Variants in CADPS observed in about 807,000 individuals in gnomAD.
CADPS encodes calcium-dependent secretion activator 1.
Under a neutral mutation model 167.3 loss-of-function variants are expected in CADPS, and 57 were observed. The ratio of observed to expected loss-of-function variants is 0.34; its 90% CI spans 0.28 to 0.42. The LOEUF (loss-of-function observed/expected upper bound fraction) is 0.42. Ranked by LOEUF, CADPS falls within the 20% of genes least tolerant of loss-of-function variation. CADPS has a pLI of 1.00. For missense variants in CADPS, 1,414 were observed against 1,738.1 expected, an observed-to-expected ratio of 0.81 and a Z score of 3.32; for synonymous variants, 676 against 635.3, an observed-to-expected ratio of 1.06 and a Z score of -0.96.
rs536424832 is a variant in CADPS at position 62,783,361 on chromosome 3, A to G, written c.442-17377T>C. On this transcript the variant is annotated intron_variant, in intron 1 of 29. Coordinates refer to ENST00000383710, the MANE Select transcript of CADPS (RefSeq NM_003716.4). The stretch of plus-strand genomic sequence containing the variant: ...AAGTTCTGAAAGACAACTTCCTAAA[A>G]CTCTGTATTTATCAAGTAATGGTAA... 4.6e-5 allele frequency among the ~76,000 whole-genome samples: 7 copies of G among 151,828 alleles called. No individual in the cohort carries two copies. In the South Asian group the frequency reaches 1.5e-3, roughly 32 times the overall value.
chr3:62,578,044 A>G (rs1031634859), intron 8 of CADPS, among the ~76,000 whole-genome samples: 2 of 152,228 alleles, frequency 1.3e-5, no homozygotes, highest in African/African-American at 4.8e-5. Context: ...TAGGCTAAAT[A>G]TCTCAACTAA....
chr3:62,693,006 G>GT, intron 3 of CADPS, among the ~76,000 whole-genome samples: 1 of 144,704 alleles, frequency 6.9e-6, no homozygotes, highest in Admixed American at 7.1e-5. Context: ...TTCACTGGTT[G>GT]TTTTTTCTTC....
chr3:62,819,552 C>G (rs1195129334), intron 1 of CADPS, among the ~76,000 whole-genome samples: 2 of 152,124 alleles, frequency 1.3e-5, no homozygotes, highest in Non-Finnish European at 2.9e-5. Context: ...AACTTCTAAA[C>G]TCTTGGAATA....
intron 1 of CADPS, among the ~76,000 whole-genome samples, chr3:62,798,519 C>CT (rs2093582969): frequency 6.6e-6 from 1 of 152,216 alleles, no homozygotes; most frequent in Non-Finnish European, 1.5e-5. Flanking sequence ...TGCAGATGGC[C>CT]TATTGTAGGA....
intron 3 of CADPS, among the ~76,000 whole-genome samples, chr3:62,664,706 G>A (rs2150563508): frequency 6.6e-6 from 1 of 152,328 alleles, no homozygotes. Flanking sequence ...AAATGATTTG[G>A]TTAGGAGAAT....
At chr3:62,850,910 A>C (rs563295594) in intron 1 of CADPS, among the ~76,000 whole-genome samples, 1 of 151,702 alleles carries the variant, frequency 6.6e-6, no homozygotes, top group African/African-American at 2.4e-5. Context: ...TGGGAGTCTA[A>C]GTCTCTTTGG....
At chr3:62,590,460 T>C (rs932281033) in intron 7 of CADPS, among the ~76,000 whole-genome samples, 1 of 152,220 alleles carries the variant, frequency 6.6e-6, no homozygotes, top group East Asian at 1.9e-4. Context: ...AGAAAACAGC[T>C]AAACCTTTTA....
chr3:62,748,543 G>T (rs1313566371), intron 3 of CADPS, among the ~76,000 whole-genome samples: 1 of 151,998 alleles, frequency 6.6e-6, no homozygotes, highest in Non-Finnish European at 1.5e-5. Context: ...CGCCAAATTT[G>T]AAGGTTACTA....
chr3:62,630,709 T>C (rs1441793768), intron 6 of CADPS, among the ~76,000 whole-genome samples: 2 of 152,142 alleles, frequency 1.3e-5, no homozygotes, highest in African/African-American at 4.8e-5. Context: ...CCTTGATTGG[T>C]TTAACTTCAT....
At chr3:62,587,842 G>C (rs1177253786) in intron 7 of CADPS, among the ~76,000 whole-genome samples, 13 of 152,196 alleles carry the variant, frequency 8.5e-5, no homozygotes. Context: ...GCTCTCTTCT[G>C]TCTTTGCCCC....
At chr3:62,770,038 T>C (rs1181626216) in intron 1 of CADPS, among the ~76,000 whole-genome samples, 1 of 152,210 alleles carries the variant, frequency 6.6e-6, no homozygotes, top group Non-Finnish European at 1.5e-5. Flanking sequence ...TACCCTGACT[T>C]TGACTTGCTC....
chr3:62,728,006 A>C (rs948715145), intron 3 of CADPS, among the ~76,000 whole-genome samples: 3 of 151,744 alleles, frequency 2.0e-5, no homozygotes, highest in Non-Finnish European at 4.4e-5. Flanking sequence ...TATACATTGC[A>C]CCCTTTGATT....
rs535636533 is a variant in CADPS, at chr3:62,542,243, G to A, written c.1967-5662C>T. Among the ~76,000 whole-genome samples the A allele has an allele frequency of 1.1e-4, 17 of 152,228 alleles. No homozygotes were observed. The South Asian group carries it at 1.9e-3, about 17-fold the overall frequency. ...GTTGCTACTCCTGATGGATGCTAGA[G>A]GCAAGAGAATAGCTAATGCAACTCT... On this transcript the variant is annotated intron_variant, in intron 11 of 29. Transcript: ENST00000383710.
chr3:62,530,025 A>T (rs2073290814), intron 13 of CADPS, among the ~76,000 whole-genome samples: 1 of 152,186 alleles, frequency 6.6e-6, no homozygotes, highest in African/African-American at 2.4e-5. Context: ...CCCGCAAAGA[A>T]AGGACATAGG....
At chr3:62,619,254 G>A (rs934995123) in intron 6 of CADPS, among the ~76,000 whole-genome samples, 11 of 152,184 alleles carry the variant, frequency 7.2e-5, no homozygotes, top group African/African-American at 2.7e-4. Context: ...GAGATCCCAA[G>A]ATATCTAGTG....
Position 62,862,060 on chromosome 3 carries a change from T to TA in CADPS, c.441+12528dup, listed in dbSNP as rs531235314. Among the ~76,000 whole-genome samples, 372 of 144,784 alleles carry TA rather than the reference T, an allele frequency of 2.6e-3. 1 individual carries two copies. The Middle Eastern group carries it at 0.039, about 15-fold the overall frequency. The allele number at this position is 144,784 out of a possible 152,430, so 95.0% of individuals were successfully genotyped here. The stretch of plus-strand genomic sequence containing the variant: ...GGAGCCTTGGAACTCTCCAAGGCGC[T>TA]AAAAAAAAAAATCCAAGATCCTAAA... On this transcript the variant is annotated intron_variant, in intron 1 of 29. Coordinates refer to ENST00000383710, the MANE Select transcript of CADPS (RefSeq NM_003716.4).
intron 17 of CADPS, among the ~76,000 whole-genome samples, chr3:62,510,052 G>C (rs1287814100): frequency 6.6e-6 from 1 of 152,086 alleles, no homozygotes; most frequent in Non-Finnish European, 1.5e-5. Context: ...AGGCCCATAG[G>C]TTCATAGGTG....
chr3:62,526,873 T>C (rs915797968), intron 13 of CADPS, among the ~76,000 whole-genome samples: 1 of 152,206 alleles, frequency 6.6e-6, no homozygotes, highest in African/African-American at 2.4e-5. Context: ...AATTAGAATC[T>C]CTGCAGGTGG....
Position 62,750,490 on chromosome 3 carries a change from A to T in CADPS, c.888+2951T>A, listed in dbSNP as rs549606668. ...GTTAACGCCTGAAGTCTAGAAAACA[A>T]TTCAGAAGATAACTTTCTTCATATC... On this transcript the variant is annotated intron_variant, in intron 3 of 29. Coordinates refer to ENST00000383710, the MANE Select transcript of CADPS (RefSeq NM_003716.4). 1.1e-4 allele frequency among the ~76,000 whole-genome samples: 17 copies of T among 152,332 alleles called. No homozygotes were observed. The South Asian group carries it at 3.5e-3, about 32-fold the overall frequency.
Sources: gnomAD v4.1 joint callset for allele counts (sites outside exome capture counted in the v4.1 genomes callset) on GRCh38, gnomAD v4.1.1 for gene constraint, MANE v1.5 for transcripts, NCBI Gene and HGNC (gene_info 2026-07-23, HGNC 2026-07-21) for gene names.